The following KDM2A variants were observed in gnomAD, a reference collection of about 807,000 sequenced individuals.
KDM2A encodes the protein lysine-specific demethylase 2A.
Under a neutral mutation model 137.3 loss-of-function variants are expected in KDM2A, and 3 were observed. The observed-to-expected ratio is 0.02, with a 90% CI of 0.01 to 0.06. The LOEUF (loss-of-function observed/expected upper bound fraction) is 0.06. Among genes scored for constraint, KDM2A ranks in the 10% least tolerant of loss-of-function variants. The probability of loss-of-function intolerance (pLI) is 1.00; values close to 1 mark genes in which losing one functional copy is unlikely to be tolerated. For synonymous variants in KDM2A, 512 were observed against 541.5 expected (o/e 0.95, Z 0.76); for missense variants, 738 against 1,510.6 (o/e 0.49, Z 8.48).
chr11:67,121,381 A>G, intron 2 of KDM2A, 23 bp downstream of exon 2: 1 of 1,607,876 alleles, frequency 6.2e-7, no homozygotes, highest in Non-Finnish European at 8.5e-7. Context: ...TCCCCCCACC[A>G]CACCCTCCAG....
At chr11:67,247,061 A>ATTTTT (rs1422012809) in intron 15 of KDM2A, among the ~76,000 whole-genome samples, 3 of 24,480 alleles carry the variant, frequency 1.2e-4, no homozygotes, top group African/African-American at 5.3e-4. Context: ...ATATATATAT[A>ATTTTT]TATATATATA....
intron 2 of KDM2A, among the ~76,000 whole-genome samples, chr11:67,173,729 T>C (rs1182645067): frequency 6.6e-6 from 1 of 152,140 alleles, no homozygotes; most frequent in Non-Finnish European, 1.5e-5. Context: ...TTTATTTATT[T>C]TGAGGCAAGG....
Position 67,257,972 on chromosome 11 carries a change from A to G in KDM2A, c.*2917A>G, listed in dbSNP as rs1247421717. The G allele has an allele frequency of 1.3e-5, 2 of 152,234 alleles. No individual in the cohort carries two copies. Among genetic ancestry groups the G allele is most frequent in the Non-Finnish European group, 2.9e-5 (2 of 68,034 alleles). 9.4% of individuals were successfully genotyped at this position (152,234 alleles called of 1,614,324 possible). On this transcript the variant is annotated 3_prime_UTR_variant, in exon 21 of 21. Coordinates refer to ENST00000529006, the MANE Select transcript of KDM2A (RefSeq NM_012308.3). ...GTGATATTTGTGTAATAAAATTTTT[A>G]AAAGACAAAAAAAGAAATAGCCTCC...
intron 2 of KDM2A, among the ~76,000 whole-genome samples, chr11:67,127,694 A>AAATT (rs1298547539): frequency 3.0e-4 from 46 of 152,124 alleles, no homozygotes; most frequent in African/African-American, 1.1e-3. Context: ...TATCTTTTTT[A>AAATT]AATTAATTAA....
At chr11:67,236,984 C>G (rs1232719675) in intron 12 of KDM2A, among the ~76,000 whole-genome samples, 7 of 152,080 alleles carry the variant, frequency 4.6e-5, no homozygotes, top group African/African-American at 1.4e-4. Flanking sequence ...TTTGTAGGTG[C>G]CTGGCATGAC....
At chr11:67,124,191 A>G (rs1855663010) in intron 2 of KDM2A, among the ~76,000 whole-genome samples, 1 of 151,608 alleles carries the variant, frequency 6.6e-6, no homozygotes, top group African/African-American at 2.4e-5. Context: ...TTTAGTAAAG[A>G]TGGAGTTTCA....
chr11:67,163,540 A>G (rs989066097), intron 2 of KDM2A, among the ~76,000 whole-genome samples: 4 of 152,094 alleles, frequency 2.6e-5, no homozygotes, highest in African/African-American at 9.7e-5. Flanking sequence ...TTCCAGTCCA[A>G]TGTAGAATCA....
chr11:67,154,179 A>G (rs1017873862), intron 2 of KDM2A, among the ~76,000 whole-genome samples: 1 of 152,238 alleles, frequency 6.6e-6, no homozygotes, highest in African/African-American at 2.4e-5. Context: ...TTAATAGAAT[A>G]GAGGTGAACT....
intron 15 of KDM2A, among the ~76,000 whole-genome samples, chr11:67,247,037 T>TTATATATA (rs59101290): frequency 9.4e-4 from 31 of 33,066 alleles, no homozygotes; most frequent in South Asian, 5.3e-3. Flanking sequence ...ATAAATTATT[T>TTATATATA]TATATATATA....
At chr11:67,203,967 A>T (rs1253015263) in intron 5 of KDM2A, among the ~76,000 whole-genome samples, 8 of 151,546 alleles carry the variant, frequency 5.3e-5, no homozygotes, top group African/African-American at 1.9e-4. Flanking sequence ...CGCCCAGCTA[A>T]TTTTTGTATT....
intron 5 of KDM2A, among the ~76,000 whole-genome samples, chr11:67,200,315 A>G (rs558706699): frequency 2.0e-5 from 3 of 151,970 alleles, no homozygotes; most frequent in Non-Finnish European, 4.4e-5. Flanking sequence ...TCCTGGGTTC[A>G]CGCCATTCTC....
intron 10 of KDM2A, 61 bp from the exon 11 acceptor site, chr11:67,227,976 C>T: frequency 6.6e-7 from 1 of 1,520,034 alleles, no homozygotes; most frequent in South Asian, 1.1e-5. Flanking sequence ...ACAGTAATTC[C>T]ATTTGTTGTA....
intron 15 of KDM2A, among the ~76,000 whole-genome samples, chr11:67,247,460 C>A (rs1304498423): frequency 7.0e-6 from 1 of 143,758 alleles, no homozygotes; most frequent in Non-Finnish European, 1.5e-5. Context: ...CATGGTCTCC[C>A]TCTGTTGCCC....
intron 2 of KDM2A, among the ~76,000 whole-genome samples, chr11:67,129,767 C>T (rs900074345): frequency 1.8e-4 from 27 of 150,098 alleles, no homozygotes; most frequent in Non-Finnish European, 2.5e-4. Flanking sequence ...GAAAAATAGC[C>T]GGGCATAGTG....
In KDM2A at chr11:67,245,555, G is replaced by T; in HGVS notation, c.1833+97G>T. ...TAGAGTTAAAGAGACTTCAGAGTTGGAAAGAAAAGGTTTATACTCTCTTTT... is the reference window on the plus strand; with the variant it reads ...TAGAGTTAAAGAGACTTCAGAGTTGTAAAGAAAAGGTTTATACTCTCTTTT... On this transcript the variant is annotated intron_variant, in intron 14 of 20. Transcript: ENST00000529006. This position sits in a 1 kb window ranked among gnomAD's most constrained non-coding sequence, Gnocchi z 4.1. 1 of 1,353,776 alleles carries T rather than the reference G, an allele frequency of 7.4e-7. No homozygotes were observed. The allele number at this position is 1,353,776 out of a possible 1,614,324, so 83.9% of individuals were successfully genotyped here.
intron 5 of KDM2A, among the ~76,000 whole-genome samples, chr11:67,194,943 T>C (rs2136356563): frequency 6.6e-6 from 1 of 152,312 alleles, no homozygotes; most frequent in East Asian, 1.9e-4. Context: ...GATTTTTGGA[T>C]TGGCTTCTCA....
At chr11:67,162,089 C>T (rs1402509368) in intron 2 of KDM2A, among the ~76,000 whole-genome samples, 1 of 152,044 alleles carries the variant, frequency 6.6e-6, no homozygotes, top group Non-Finnish European at 1.5e-5. Flanking sequence ...CAGGAATTTC[C>T]TTCCACTAAT....
At chr11:67,179,235 A>T (rs970631376) in intron 2 of KDM2A, among the ~76,000 whole-genome samples, 3 of 151,994 alleles carry the variant, frequency 2.0e-5, no homozygotes, top group African/African-American at 7.3e-5. Context: ...CTAAATATTG[A>T]TGGTGTGCTA....
At chr11:67,133,876 T>TAGAG (rs1308905189) in intron 2 of KDM2A, among the ~76,000 whole-genome samples, 1 of 151,108 alleles carries the variant, frequency 6.6e-6, no homozygotes, top group Non-Finnish European at 1.5e-5. Context: ...GTATTTTTAG[T>TAGAG]AGAGACAGGG....
Sources: allele counts gnomAD v4.1 joint callset (sites outside exome capture counted in the v4.1 genomes callset), GRCh38; gene constraint gnomAD v4.1.1; non-coding constraint Gnocchi (gnomAD v3.1); transcripts MANE v1.5; gene names NCBI Gene and HGNC (gene_info 2026-07-23, HGNC 2026-07-21).